Variants in CATIP observed in about 807,000 individuals in gnomAD.
The protein encoded by CATIP is ciliogenesis associated TTC17 interacting protein, also known as ciliogenesis-associated TTC17-interacting protein.
A neutral mutation model predicts 42.5 loss-of-function variants in CATIP; 40 were observed. That is an observed-to-expected ratio of 0.94 (90% CI 0.73 to 1.22). The LOEUF (loss-of-function observed/expected upper bound fraction) is 1.22, where lower values mean the gene tolerates loss of function less well. CATIP is among the 50% of genes most tolerant of loss of function. The pLI is 0.00. For missense variants in CATIP, 489 were observed against 496.0 expected (o/e 0.99, Z 0.13); for synonymous variants, 222 against 200.2 (o/e 1.11, Z -0.92).
intron 7 of CATIP, 42 bp from the exon 8 acceptor site, chr2:218,366,982 T>C (rs764877433): frequency 6.8e-7 from 1 of 1,475,016 alleles, no homozygotes; most frequent in Non-Finnish European, 9.5e-7. Context: ...TAGCAGGCGG[T>C]CTGGGAAGAT....
intron 6 of CATIP, among the ~76,000 whole-genome samples, chr2:218,363,529 G>A (rs567464221): frequency 3.3e-5 from 5 of 149,648 alleles, no homozygotes; most frequent in South Asian, 2.1e-4. Context: ...TTGGCCAGGC[G>A]CAGTGATTCA....
Position 218,357,132 on chromosome 2 carries a change from G to A in CATIP, c.63G>A (p.Glu21=). The A allele has an allele frequency of 6.2e-7, 1 of 1,614,048 alleles. No homozygotes were observed. The highest frequency in any genetic ancestry group is 1.1e-5 in the South Asian group (1 of 91,074). ...AGGACCACCAGCCCTCGGGTCCGGA[G>A]TGTCTGCCACTCCCAGAGGCCAATG... ...RAKDHQPSGP[E]CLPLPEANAE... The change falls in exon 2 of 10, where the codon GAG becomes GAA. Residue 21 remains glutamate (E), a synonymous_variant. Coordinates refer to ENST00000289388, the MANE Select transcript of CATIP (RefSeq NM_198559.2).
intron 4 of CATIP, among the ~76,000 whole-genome samples, chr2:218,358,317 C>T (rs1695109902): frequency 6.6e-6 from 1 of 152,112 alleles, no homozygotes; most frequent in Non-Finnish European, 1.5e-5. Context: ...ACCTGTAATC[C>T]CAGCACTTTG....
intron 3 of CATIP, 91 bp downstream of exon 3, chr2:218,357,825 C>A: frequency 7.0e-7 from 1 of 1,427,702 alleles, no homozygotes; most frequent in African/African-American, 1.4e-5. Context: ...AGGACCAAGC[C>A]CTTGGCTTTG....
intron 5 of CATIP, among the ~76,000 whole-genome samples, chr2:218,362,516 C>T (rs530862218): frequency 3.3e-5 from 5 of 152,136 alleles, no homozygotes; most frequent in African/African-American, 1.2e-4. Context: ...GCCTGTAATC[C>T]CTGCTACTTG....
Position 218,357,678 on chromosome 2 carries a change from T to G in CATIP, c.263T>G (p.Val88Gly). The change falls in exon 3 of 10, where the codon GTG becomes GGG. Residue 88 changes from valine to glycine, a missense_variant. Coordinates refer to ENST00000289388, the MANE Select transcript of CATIP (RefSeq NM_198559.2). Reference sequence around the variant, plus strand: ...GGCATGCTGACATACTGCCTCTTCGTGCATGCCTCTAGCCGAGGCTTCTTG... The same window carrying G: ...GGCATGCTGACATACTGCCTCTTCGGGCATGCCTCTAGCCGAGGCTTCTTG... ...KLGMLTYCLF[V>G]HASSRGFLDK... 3.1e-6 allele frequency: 5 copies of G among 1,614,096 alleles called. No homozygotes were observed. Among genetic ancestry groups the G allele is most frequent in the Non-Finnish European group, 3.4e-6 (4 of 1,180,018 alleles).
At position 218,357,508 on chromosome 2, in the gene CATIP, C is replaced by G. The variant is rs371607639; in HGVS notation, c.119-26C>G. ...TGGGGCCCAGGAGCAGGGGCTTTAT[C>G]TGTTCCCACGGGCCCCTCACCCCAG... On this transcript the variant is annotated intron_variant, in intron 2 of 9. Transcript: ENST00000289388. 507 of 1,602,640 alleles carry G rather than the reference C, an allele frequency of 3.2e-4. 1 individual carries two copies. Among genetic ancestry groups the G allele is most frequent in the Non-Finnish European group, 3.9e-4 (453 of 1,171,304 alleles).
chr2:218,362,391 A>G (rs1182364960), intron 5 of CATIP, among the ~76,000 whole-genome samples: 2 of 149,392 alleles, frequency 1.3e-5, no homozygotes, highest in East Asian at 2.0e-4. Flanking sequence ...TGTAATCCCA[A>G]CACTTTGGGA....
intron 5 of CATIP, among the ~76,000 whole-genome samples, chr2:218,361,759 C>T (rs115975754): frequency 0.028 from 4,249 of 152,258 alleles, 79 homozygotes; most frequent in Non-Finnish European, 0.041. Flanking sequence ...TGAGGCAGTT[C>T]CCAGCTTGAC....
Position 218,367,706 on chromosome 2 carries a change from C to CTCTG in CATIP, c.922-13_922-10dup. ...GGGTCCCGTCCGGCTGAGGCTCGGG[C>CTCTG]TCTGTCCCCTGCCAGGAGGAGCTCC... On this transcript the variant is annotated splice_polypyrimidine_tract_variant and intron_variant, in intron 9 of 9. Coordinates refer to ENST00000289388, the MANE Select transcript of CATIP (RefSeq NM_198559.2). 6.3e-7 allele frequency: 1 copy of CTCTG among 1,585,352 alleles called. No homozygotes were observed. Among genetic ancestry groups the CTCTG allele is most frequent in the Non-Finnish European group, 8.5e-7 (1 of 1,169,916 alleles).
In CATIP at chr2:218,357,725, T is replaced by A; in HGVS notation, c.310T>A (p.Ser104Thr). ...GFLDKMLCGN[S>T]LLGYLSEKLE... ...CTTGGACAAAATGCTCTGCGGAAAT[T>A]CCCTCCTGGGTAGCGTTCCTACTGC... Residue 104 changes from serine to threonine, a missense_variant, in exon 3 of 10, where the codon TCC becomes ACC. Physicochemically the swap from Ser to Thr is moderately conservative, Grantham distance 58. Transcript: ENST00000289388. 1 of 1,613,236 alleles carries A rather than the reference T, an allele frequency of 6.2e-7. No individual in the cohort carries two copies. The highest frequency in any genetic ancestry group is 8.5e-7 in the Non-Finnish European group (1 of 1,179,940).
chr2:218,359,351 A>G (rs1299199196), intron 4 of CATIP, among the ~76,000 whole-genome samples: 1 of 151,712 alleles, frequency 6.6e-6, no homozygotes, highest in Non-Finnish European at 1.5e-5. Context: ...CAAAAAAAAA[A>G]AAAAAAAAAA....
chr2:218,364,660 C>T lies in CATIP; in HGVS notation c.663C>T (p.Asp221=), dbSNP rs1046933104. The T allele has an allele frequency of 2.5e-6, 4 of 1,614,116 alleles. No individual in the cohort carries two copies. Among genetic ancestry groups the T allele is most frequent in the Non-Finnish European group, 3.4e-6 (4 of 1,179,992 alleles). The change falls in exon 7 of 10, where the codon GAC becomes GAT. Residue 221 remains aspartate (D), a synonymous_variant. Coordinates refer to ENST00000289388, the MANE Select transcript of CATIP (RefSeq NM_198559.2). ...TGGGCTTCCAGACCATCCAGGTAGA[C>T]CATCAGCAGGCTGAAGTCTTCATCG... ...QNLGFQTIQV[D]HQQAEVFIVE...
In CATIP at chr2:218,368,086, T is replaced by A; in HGVS notation, c.*122T>A. The stretch of plus-strand genomic sequence containing the variant: ...GGGGGAATAAATGGGGCCCTCCCGC[T>A]TCTCTGCAGCGCCCGTCGACAGCGT... On this transcript the variant is annotated 3_prime_UTR_variant, in exon 10 of 10. Coordinates refer to ENST00000289388, the MANE Select transcript of CATIP (RefSeq NM_198559.2). The A allele has an allele frequency of 8.2e-7, 1 of 1,212,978 alleles. No individual in the cohort carries two copies. Among genetic ancestry groups the A allele is most frequent in the Non-Finnish European group, 1.1e-6 (1 of 906,444 alleles). 75.1% of individuals were successfully genotyped at this position (1,212,978 alleles called of 1,614,324 possible). A position where few individuals can be genotyped will look rare whatever the true frequency, so the allele number is the denominator to read the frequency against.
intron 6 of CATIP, among the ~76,000 whole-genome samples, chr2:218,364,329 C>T (rs9784095): frequency 0.028 from 4,288 of 151,974 alleles, 198 homozygotes; most frequent in African/African-American, 0.097. Context: ...CCCACTGGCC[C>T]TAGTAGCTCA....
chr2:218,368,048 G>C lies in CATIP; in HGVS notation c.*84G>C, dbSNP rs530987933. ...ACGCGCCGGGGCGGGTGCGCTTTCC[G>C]GGCTGCGGTTTTGGGGGAATAAATG... On this transcript the variant is annotated 3_prime_UTR_variant, in exon 10 of 10. Coordinates refer to ENST00000289388, the MANE Select transcript of CATIP (RefSeq NM_198559.2). The C allele has an allele frequency of 7.0e-7, 1 of 1,419,918 alleles. No homozygotes were observed. The highest frequency in any genetic ancestry group is 1.5e-5 in the South Asian group (1 of 67,454). The allele number at this position is 1,419,918 out of a possible 1,614,324, so 88.0% of individuals were successfully genotyped here. A position where few individuals can be genotyped will look rare whatever the true frequency, so the allele number is the denominator to read the frequency against.
Position 218,363,164 on chromosome 2 carries a change from T to C in CATIP, c.630+262T>C, listed in dbSNP as rs570903224. ...GAAGTCAGTCCAGGAAAAATAAATA[T>C]AGTGCAGGGCTGATTTAAAAAATAC... is the stretch of plus-strand genomic sequence containing the variant. On this transcript the variant is annotated intron_variant, in intron 6 of 9. Coordinates refer to ENST00000289388, the MANE Select transcript of CATIP (RefSeq NM_198559.2). 7.9e-5 allele frequency among the ~76,000 whole-genome samples: 12 copies of C among 152,108 alleles called. No individual in the cohort carries two copies. The East Asian group carries it at 1.9e-3, about 24-fold the overall frequency.
chr2:218,361,796 C>T (rs1002712220), intron 5 of CATIP, among the ~76,000 whole-genome samples: 1 of 152,140 alleles, frequency 6.6e-6, no homozygotes, highest in Non-Finnish European at 1.5e-5. Context: ...GATTTGGGGT[C>T]CCAAGATTTA....
At chr2:218,366,902 G>C (rs181423123) in intron 7 of CATIP, 122 bp from the exon 8 acceptor site, 6 of 754,656 alleles carry the variant, frequency 8.0e-6, no homozygotes, top group Non-Finnish European at 1.4e-5. Flanking sequence ...GCATGTAAAC[G>C]TAATGACCTC....
Sources: allele counts gnomAD v4.1 joint callset (sites outside exome capture counted in the v4.1 genomes callset), GRCh38; gene constraint gnomAD v4.1.1; transcripts MANE v1.5; gene names NCBI Gene and HGNC (gene_info 2026-07-23, HGNC 2026-07-21).